The following SCMH1 variants were observed in gnomAD, a reference collection of about 807,000 sequenced individuals.
The protein encoded by SCMH1 is polycomb protein SCMH1.
Under a neutral mutation model 70.8 loss-of-function variants are expected in SCMH1, and 37 were observed. The observed-to-expected ratio is 0.52, with a 90% CI of 0.40 to 0.69. SCMH1 has a LOEUF of 0.69. SCMH1 is among the 30% of genes least tolerant of loss of function. SCMH1 has a pLI of 0.00. For missense variants in SCMH1, 607 were observed against 827.3 expected (o/e 0.73, Z 3.27); for synonymous variants, 292 against 307.4 (o/e 0.95, Z 0.52).
chr1:41,048,193 G>C (rs1343254475), intron 11 of SCMH1, among the ~76,000 whole-genome samples: 1 of 152,184 alleles, frequency 6.6e-6, no homozygotes, highest in Non-Finnish European at 1.5e-5. Flanking sequence ...AAAAAACACT[G>C]TGTCACTGAA....
At chr1:41,029,332 C>T (rs1362174920) in intron 13 of SCMH1, among the ~76,000 whole-genome samples, 1 of 152,172 alleles carries the variant, frequency 6.6e-6, no homozygotes, top group African/African-American at 2.4e-5. Context: ...CCTGCCTCAG[C>T]CTCCTGAGTA....
intron 1 of SCMH1, among the ~76,000 whole-genome samples, chr1:41,230,014 T>C (rs978173124): frequency 1.2e-4 from 18 of 152,052 alleles, no homozygotes; most frequent in Non-Finnish European, 2.2e-4. Flanking sequence ...TGGGAGCCAA[T>C]GTAACTAGAA....
chr1:41,186,141 G>A (rs762687815), exon 2 of SCMH1: 2 of 1,515,338 alleles, frequency 1.3e-6, no homozygotes, highest in Non-Finnish European at 1.8e-6. Context: ...CATAGTCAAT[G>A]GACTAAAAAC....
intron 12 of SCMH1, chr1:41,043,155 A>C (rs1205217537): frequency 1.3e-5 from 2 of 151,320 alleles, no homozygotes; most frequent in Non-Finnish European, 2.9e-5. Flanking sequence ...GTGCAGTGGC[A>C]CAATCTTGGC....
chr1:41,069,224 TATC>T (rs1191889471), intron 10 of SCMH1, among the ~76,000 whole-genome samples: 1 of 152,168 alleles, frequency 6.6e-6, no homozygotes, highest in Non-Finnish European at 1.5e-5. Flanking sequence ...AAAATTATAA[TATC>T]ATGGAGTTGG....
chr1:41,179,533 T>A (rs901041148), intron 2 of SCMH1, among the ~76,000 whole-genome samples: 2 of 152,060 alleles, frequency 1.3e-5, no homozygotes, highest in Non-Finnish European at 2.9e-5. Flanking sequence ...AAAGGGGATA[T>A]CACCACCAAT....
chr1:41,203,183 C>G (rs1271033463), intron 1 of SCMH1, among the ~76,000 whole-genome samples: 1 of 151,790 alleles, frequency 6.6e-6, no homozygotes, highest in Admixed American at 6.6e-5. Context: ...TATAGCTTAC[C>G]TCAATTCAGA....
At chr1:41,153,165 T>C (rs1464285096) in intron 4 of SCMH1, among the ~76,000 whole-genome samples, 1 of 152,226 alleles carries the variant, frequency 6.6e-6, no homozygotes. Context: ...AAGTTTTGGA[T>C]TTCCCTGGAT....
At chr1:41,089,787 C>CTTTGTTTTTTTT (rs1662809254) in intron 8 of SCMH1, among the ~76,000 whole-genome samples, 1 of 58,756 alleles carries the variant, frequency 1.7e-5, no homozygotes, top group African/African-American at 7.4e-5. Context: ...CATGTTGTCT[C>CTTTGTTTTTTTT]TTTTTTTTTT....
At chr1:41,184,712 A>T (rs529846131) in intron 2 of SCMH1, among the ~76,000 whole-genome samples, 1 of 152,186 alleles carries the variant, frequency 6.6e-6, no homozygotes, top group East Asian at 1.9e-4. Context: ...TATACACTAA[A>T]ATGTACAAGC....
chr1:41,211,776 T>C (rs1314740327), intron 1 of SCMH1, among the ~76,000 whole-genome samples: 1 of 152,160 alleles, frequency 6.6e-6, no homozygotes, highest in African/African-American at 2.4e-5. Context: ...CAAATGTCCA[T>C]TAATGACAGA....
At chr1:41,040,738 C>T (rs1343657959) in intron 12 of SCMH1, among the ~76,000 whole-genome samples, 1 of 152,072 alleles carries the variant, frequency 6.6e-6, no homozygotes, top group Non-Finnish European at 1.5e-5. Flanking sequence ...GTGGTGCATG[C>T]CTGTAATCCC....
intron 2 of SCMH1, among the ~76,000 whole-genome samples, chr1:41,164,641 G>T (rs144170456): frequency 4.1e-4 from 62 of 152,250 alleles, no homozygotes; most frequent in African/African-American, 1.5e-3. Context: ...TGTGGATGAA[G>T]TGTCTCTGTT....
intron 8 of SCMH1, among the ~76,000 whole-genome samples, chr1:41,094,006 G>A (rs1453976723): frequency 1.3e-5 from 2 of 152,088 alleles, no homozygotes; most frequent in Non-Finnish European, 2.9e-5. Flanking sequence ...AGTAAAAATG[G>A]AGTTTCATAA....
At chr1:41,041,808 G>A (rs1186956607) in intron 12 of SCMH1, among the ~76,000 whole-genome samples, 3 of 152,120 alleles carry the variant, frequency 2.0e-5, no homozygotes, top group Non-Finnish European at 4.4e-5. Flanking sequence ...CCAGTGTCAT[G>A]GGCAATGAAC....
intron 1 of SCMH1, among the ~76,000 whole-genome samples, chr1:41,194,695 C>A (rs564388647): frequency 6.6e-6 from 1 of 152,136 alleles, no homozygotes; most frequent in Non-Finnish European, 1.5e-5. Flanking sequence ...AGAAATATAA[C>A]CGCCTAAAAT....
chr1:41,048,322 G>A (rs1230144387), intron 11 of SCMH1, among the ~76,000 whole-genome samples: 1 of 152,236 alleles, frequency 6.6e-6, no homozygotes, highest in African/African-American at 2.4e-5. Context: ...AGGAATGATA[G>A]AGGAGTTCAG....
At chr1:41,035,602 C>T (rs1248221912) in intron 13 of SCMH1, among the ~76,000 whole-genome samples, 1 of 152,146 alleles carries the variant, frequency 6.6e-6, no homozygotes, top group Non-Finnish European at 1.5e-5. Context: ...AGAAAGTGTG[C>T]CTCCTTTTGG....
At chr1:41,074,222 T>C (rs2148897858) in intron 9 of SCMH1, among the ~76,000 whole-genome samples, 1 of 152,210 alleles carries the variant, frequency 6.6e-6, no homozygotes, top group Non-Finnish European at 1.5e-5. Flanking sequence ...AGAAGTGTTG[T>C]GTCCCTCAGG....
Sources: gnomAD v4.1 joint callset for allele counts (sites outside exome capture counted in the v4.1 genomes callset) on GRCh38, gnomAD v4.1.1 for gene constraint, MANE v1.5 for transcripts, NCBI Gene and HGNC (gene_info 2026-07-23, HGNC 2026-07-21) for gene names.